Variants in ARHGEF26 observed in about 807,000 individuals in gnomAD.
ARHGEF26 encodes the protein Rho guanine nucleotide exchange factor 26, also known as Rho guanine nucleotide exchange factor (GEF) 26.
In ARHGEF26, 59 loss-of-function variants were observed where a neutral mutation model predicts 89.4. The observed-to-expected ratio is 0.66, with a 90% CI of 0.54 to 0.82. The LOEUF (loss-of-function observed/expected upper bound fraction) is 0.82. Ranked by LOEUF, ARHGEF26 falls within the 40% of genes least tolerant of loss-of-function variation. ARHGEF26 has a pLI of 0.00. For missense variants in ARHGEF26, 1,234 were observed against 1,085.6 expected (o/e 1.14, Z -1.92); for synonymous variants, 500 against 428.4 (o/e 1.17, Z -2.06).
intron 11 of ARHGEF26, among the ~76,000 whole-genome samples, chr3:154,229,321 T>C (rs1405530626): frequency 1.3e-5 from 2 of 152,170 alleles, no homozygotes; most frequent in Non-Finnish European, 2.9e-5. Flanking sequence ...AGGCAGCCCT[T>C]CCACCTCAGC....
intron 9 of ARHGEF26, among the ~76,000 whole-genome samples, chr3:154,200,611 G>C (rs1714567734): frequency 6.6e-6 from 1 of 151,930 alleles, no homozygotes; most frequent in South Asian, 2.1e-4. Context: ...TTGGTATTTT[G>C]TTAGGATTTA....
At chr3:154,230,666 AC>A (rs1716776827) in intron 11 of ARHGEF26, among the ~76,000 whole-genome samples, 1 of 152,136 alleles carries the variant, frequency 6.6e-6, no homozygotes, top group African/African-American at 2.4e-5. Flanking sequence ...CCCTTTGTTA[AC>A]ATTTCCTTCC....
chr3:154,185,856 A>G (rs1435393608), intron 6 of ARHGEF26, among the ~76,000 whole-genome samples: 2 of 152,146 alleles, frequency 1.3e-5, no homozygotes, highest in Non-Finnish European at 2.9e-5. Flanking sequence ...ACTGGCATAC[A>G]AAAGACACTC....
At chr3:154,127,756 C>T (rs904195592) in intron 3 of ARHGEF26, among the ~76,000 whole-genome samples, 1 of 151,608 alleles carries the variant, frequency 6.6e-6, no homozygotes, top group Non-Finnish European at 1.5e-5. Flanking sequence ...GTATTTTTGG[C>T]AGTACAATCG....
At chr3:154,149,546 C>A in intron 5 of ARHGEF26, 101 bp downstream of exon 5, 1 of 960,386 alleles carries the variant, frequency 1.0e-6, no homozygotes. Flanking sequence ...TTAGTGTTGC[C>A]CTTTGAAAAT....
intron 10 of ARHGEF26, among the ~76,000 whole-genome samples, chr3:154,219,763 A>C (rs892313654): frequency 2.1e-4 from 32 of 151,542 alleles, no homozygotes; most frequent in African/African-American, 7.5e-4. Flanking sequence ...AATACAAAAA[A>C]ATTAGCCGGG....
chr3:154,139,832 G>A (rs144279268), intron 4 of ARHGEF26, among the ~76,000 whole-genome samples: 103 of 152,248 alleles, frequency 6.8e-4, no homozygotes, highest in African/African-American at 2.2e-3. Flanking sequence ...CTTAATATTA[G>A]GATGTTTATT....
intron 4 of ARHGEF26, 36 bp downstream of exon 4, chr3:154,129,755 A>G (rs1387990153): frequency 6.4e-7 from 1 of 1,572,866 alleles, no homozygotes; most frequent in African/African-American, 1.4e-5. Context: ...TGTGGTAGGA[A>G]AAAAACAAGT....
chr3:154,123,129 TTGGGAG>T, intron 2 of ARHGEF26, 54 bp downstream of exon 2: 1 of 1,600,556 alleles, frequency 6.2e-7, no homozygotes, highest in Non-Finnish European at 8.5e-7. Context: ...AGTAAATGTG[TTGGGAG>T]TGGGGAGGAG....
At chr3:154,163,262 A>T (rs187583282) in intron 6 of ARHGEF26, among the ~76,000 whole-genome samples, 1 of 152,274 alleles carries the variant, frequency 6.6e-6, no homozygotes, top group African/African-American at 2.4e-5. Flanking sequence ...GTTATACATC[A>T]TTTCACTTAG....
intron 11 of ARHGEF26, among the ~76,000 whole-genome samples, chr3:154,239,302 G>GTATA (rs1717343427): frequency 1.9e-4 from 5 of 25,734 alleles, no homozygotes; most frequent in African/African-American, 5.3e-4. Flanking sequence ...GAGAGAGAGT[G>GTATA]TGTGTGTGTG....
intron 10 of ARHGEF26, among the ~76,000 whole-genome samples, chr3:154,224,009 C>T (rs1236540319): frequency 6.6e-6 from 1 of 151,976 alleles, no homozygotes; most frequent in Non-Finnish European, 1.5e-5. Context: ...GCTCCATAGG[C>T]ACAGACTATT....
chr3:154,219,437 A>T lies in ARHGEF26; in HGVS notation c.1935+1479A>T, dbSNP rs1364041856. On this transcript the variant is annotated intron_variant, in intron 10 of 14. Coordinates refer to ENST00000465093, the MANE Select transcript of ARHGEF26 (RefSeq NM_015595.4). ...TGATGAAACCCTGTCTCTACTAAAA[A>T]TACAAAAATTAGCCGGGTGTAGTGG... 2.0e-5 allele frequency among the ~76,000 whole-genome samples: 3 copies of T among 152,072 alleles called. No homozygotes were observed. In the East Asian group the frequency reaches 5.8e-4, roughly 29 times the overall value.
intron 9 of ARHGEF26, among the ~76,000 whole-genome samples, chr3:154,203,901 A>G (rs1267813094): frequency 1.3e-5 from 2 of 148,852 alleles, no homozygotes; most frequent in East Asian, 2.0e-4. Flanking sequence ...TCAATTTGCT[A>G]GTATTTTTTT....
At chr3:154,235,690 A>C (rs1029641860) in intron 11 of ARHGEF26, among the ~76,000 whole-genome samples, 14 of 152,198 alleles carry the variant, frequency 9.2e-5, no homozygotes, top group African/African-American at 3.4e-4. Flanking sequence ...TCAAACATGA[A>C]CATACCTATC....
At chr3:154,133,821 C>T (rs185044471) in intron 4 of ARHGEF26, among the ~76,000 whole-genome samples, 5 of 152,236 alleles carry the variant, frequency 3.3e-5, no homozygotes, top group Non-Finnish European at 4.4e-5. Context: ...TTCATTTTTC[C>T]TGTCCATAAG....
At chr3:154,172,827 C>G (rs1712533756) in intron 6 of ARHGEF26, among the ~76,000 whole-genome samples, 1 of 152,048 alleles carries the variant, frequency 6.6e-6, no homozygotes, top group Non-Finnish European at 1.5e-5. Flanking sequence ...TTTTTTGGGT[C>G]ATTTGTAGTG....
At position 154,257,073 on chromosome 3, in the gene ARHGEF26, G is replaced by A; in HGVS notation, c.*1600G>A. 7.4e-7 allele frequency: 1 copy of A among 1,357,684 alleles called. No individual in the cohort carries two copies. The highest frequency in any genetic ancestry group is 1.5e-5 in the African/African-American group (1 of 67,178). 84.1% of individuals were successfully genotyped at this position (1,357,684 alleles called of 1,614,324 possible). On this transcript the variant is annotated 3_prime_UTR_variant, in exon 15 of 15. Transcript: ENST00000465093. ...TGTCCCAACTACTGTCCGCTAACTA[G>A]TTATCCAAATTGTAAAGCTACAGAA... is the stretch of plus-strand genomic sequence containing the variant.
chr3:154,250,858 A>G (rs1272115863), intron 12 of ARHGEF26, among the ~76,000 whole-genome samples: 2 of 152,234 alleles, frequency 1.3e-5, no homozygotes, highest in Non-Finnish European at 2.9e-5. Context: ...TTCCCAATAA[A>G]GACATCATAG....
Sources: gnomAD v4.1 joint callset for allele counts (sites outside exome capture counted in the v4.1 genomes callset) on GRCh38, gnomAD v4.1.1 for gene constraint, MANE v1.5 for transcripts, NCBI Gene and HGNC (gene_info 2026-07-23, HGNC 2026-07-21) for gene names.